Variants in TENM4 observed in about 807,000 individuals in gnomAD.
TENM4 encodes teneurin transmembrane protein 4.
In TENM4, 82 loss-of-function variants were observed where a neutral mutation model predicts 243.3. The ratio of observed to expected loss-of-function variants is 0.34; its 90% CI spans 0.28 to 0.40. The LOEUF is 0.40. TENM4 is among the 10% of genes least tolerant of loss of function. The pLI is 1.00. For missense variants in TENM4, 3,138 were observed against 3,673.3 expected (o/e 0.85, Z 3.77); for synonymous variants, 1,412 against 1,456.3 (o/e 0.97, Z 0.69).
At chr11:79,339,378 CT>C (rs776976281) in intron 1 of TENM4, among the ~76,000 whole-genome samples, 3 of 152,190 alleles carry the variant, frequency 2.0e-5, no homozygotes, top group Non-Finnish European at 2.9e-5. Flanking sequence ...TCCTGGTAAA[CT>C]GAAAAGTGCT....
At chr11:78,966,167 G>A (rs1429769542) in intron 6 of TENM4, among the ~76,000 whole-genome samples, 4 of 139,488 alleles carry the variant, frequency 2.9e-5, no homozygotes, top group Non-Finnish European at 6.1e-5. Context: ...TTGCACCTCC[G>A]TTTCTACACC....
chr11:79,080,917 A>G (rs1860652729), intron 4 of TENM4, among the ~76,000 whole-genome samples: 1 of 152,168 alleles, frequency 6.6e-6, no homozygotes, highest in African/African-American at 2.4e-5. Flanking sequence ...CACACTAGGA[A>G]GCAGAGGGAA....
rs547935999 is a variant in TENM4, at chr11:79,026,690, T to C, written c.493+38048A>G. 4.5e-4 allele frequency among the ~76,000 whole-genome samples: 69 copies of C among 152,316 alleles called. 2 individuals carry two copies. In the South Asian group the frequency reaches 0.014, roughly 30 times the overall value. ...AGCAACCAAGAAAGGGTATTATTAG[T>C]CCAGCTTCGCAGAGAAGGGATTCAA... On this transcript the variant is annotated intron_variant, in intron 6 of 33. Coordinates refer to ENST00000278550, the MANE Select transcript of TENM4 (RefSeq NM_001098816.3).
At chr11:78,694,531 T>C (rs1858907771) in intron 28 of TENM4, among the ~76,000 whole-genome samples, 1 of 152,230 alleles carries the variant, frequency 6.6e-6, no homozygotes, top group South Asian at 2.1e-4. Flanking sequence ...TCTGCCATAC[T>C]GTATTTGAGG....
At chr11:78,749,607 A>T (rs1418016594) in intron 19 of TENM4, among the ~76,000 whole-genome samples, 1 of 152,200 alleles carries the variant, frequency 6.6e-6, no homozygotes, top group Non-Finnish European at 1.5e-5. Flanking sequence ...TGACGCTTGC[A>T]TATGGCTTTA....
At chr11:79,126,036 T>C (rs1861869493) in intron 4 of TENM4, among the ~76,000 whole-genome samples, 1 of 152,210 alleles carries the variant, frequency 6.6e-6, no homozygotes, top group Non-Finnish European at 1.5e-5. Flanking sequence ...ATTTATTGAT[T>C]TGGGCCCACT....
chr11:79,147,132 T>A lies in TENM4; in HGVS notation c.-66+1578A>T, dbSNP rs1234286552. Among the ~76,000 whole-genome samples, 4 of 152,256 alleles carry A rather than the reference T, an allele frequency of 2.6e-5. No individual in the cohort carries two copies. The East Asian group carries it at 7.7e-4, about 29-fold the overall frequency. On this transcript the variant is annotated intron_variant, in intron 4 of 33. Coordinates refer to ENST00000278550, the MANE Select transcript of TENM4 (RefSeq NM_001098816.3). Reference sequence around the variant, plus strand: ...CTCATCTGAGTTCCCCCCTTTCTTCTGATTTGCAAAGTATTGATACAGTCC... The same window carrying A: ...CTCATCTGAGTTCCCCCCTTTCTTCAGATTTGCAAAGTATTGATACAGTCC...
At chr11:78,827,064 T>A (rs1857869783) in intron 12 of TENM4, among the ~76,000 whole-genome samples, 1 of 152,220 alleles carries the variant, frequency 6.6e-6, no homozygotes, top group South Asian at 2.1e-4. Context: ...CACTTAGCAT[T>A]TTTCAATTCA....
chr11:78,700,741 G>T (rs1484528784), intron 28 of TENM4, among the ~76,000 whole-genome samples: 1 of 152,150 alleles, frequency 6.6e-6, no homozygotes, highest in Non-Finnish European at 1.5e-5. Flanking sequence ...ACTTGAGGTG[G>T]GCACTAGGAC....
At chr11:79,436,164 T>C (rs530767818) in intron 1 of TENM4, among the ~76,000 whole-genome samples, 2 of 152,244 alleles carry the variant, frequency 1.3e-5, no homozygotes, top group East Asian at 1.9e-4. Flanking sequence ...AGAGGCCTTA[T>C]CGATGTTAAA....
At chr11:79,335,244 C>T (rs546381312) in intron 1 of TENM4, among the ~76,000 whole-genome samples, 211 of 152,326 alleles carry the variant, frequency 1.4e-3, no homozygotes, top group African/African-American at 4.7e-3. Context: ...ACAGGTCTCC[C>T]GCCACCATGA....
At chr11:79,090,986 G>A (rs752547501) in intron 4 of TENM4, among the ~76,000 whole-genome samples, 2 of 152,172 alleles carry the variant, frequency 1.3e-5, no homozygotes, top group Non-Finnish European at 1.5e-5. Context: ...CTGGCTTTTT[G>A]GGGTGGCTGA....
rs753050946 is a variant in TENM4, at chr11:78,756,877, T to C, written c.2684A>G (p.Tyr895Cys). The C allele has an allele frequency of 2.7e-5, 44 of 1,613,806 alleles. No homozygotes were observed. The highest frequency in any genetic ancestry group is 1.6e-4 in the Middle Eastern group (1 of 6,084). The stretch of plus-strand genomic sequence containing the variant: ...GCCCACGAGGAACTTGATGCGGTCA[T>C]AGAAGGAGTGTAGGTTCTGCTGTGA... The part of the protein sequence containing the change: ...PVSQQNLHSF[Y>C]DRIKFLVGRD... Residue 895 changes from tyrosine (Y) to cysteine (C), a missense_variant, in exon 19 of 34, where the codon TAT (tyrosine) becomes TGT (cysteine). Tyr to Cys is a radical substitution (Grantham distance 194, BLOSUM62 -2). Coordinates refer to ENST00000278550, the MANE Select transcript of TENM4 (RefSeq NM_001098816.3).
rs1423503973 is a variant in TENM4, at chr11:79,186,084, C to CTT, written c.-163+29723_-163+29724insAA. On this transcript the variant is annotated intron_variant, in intron 3 of 33. Coordinates refer to ENST00000278550, the MANE Select transcript of TENM4 (RefSeq NM_001098816.3). ...AAGTAATGTGTCCAAGGTAAGGTGG[C>CTT]AAAGCTAGGATTTAAATCCAGATCT... 2.0e-5 allele frequency among the ~76,000 whole-genome samples: 3 copies of CTT among 152,272 alleles called. No homozygotes were observed. The East Asian group carries it at 5.8e-4, about 29-fold the overall frequency.
chr11:79,405,221 C>T (rs547829078), intron 1 of TENM4, among the ~76,000 whole-genome samples: 2 of 152,012 alleles, frequency 1.3e-5, no homozygotes, highest in South Asian at 2.1e-4. Context: ...CTATTTCTTC[C>T]GAGGCTTATG....
chr11:79,178,984 G>A (rs934537303), intron 3 of TENM4, among the ~76,000 whole-genome samples: 6 of 152,234 alleles, frequency 3.9e-5, no homozygotes, highest in African/African-American at 1.4e-4. Flanking sequence ...CAGAAAGTCA[G>A]TGAGGGCTGC....
intron 2 of TENM4, among the ~76,000 whole-genome samples, chr11:79,280,435 C>T (rs1856136216): frequency 6.6e-6 from 1 of 152,212 alleles, no homozygotes; most frequent in African/African-American, 2.4e-5. Context: ...CAGGGCCTGG[C>T]TCTGGGCTTT....
At chr11:79,252,616 T>C (rs999612184) in intron 2 of TENM4, among the ~76,000 whole-genome samples, 2 of 152,210 alleles carry the variant, frequency 1.3e-5, no homozygotes, top group Admixed American at 6.5e-5. Flanking sequence ...TAGTGGAAGA[T>C]TGAATCATTG....
rs192736758 is a variant in TENM4 at position 78,941,033 on chromosome 11, T to C, written c.494-37510A>G. On this transcript the variant is annotated intron_variant, in intron 6 of 33. Coordinates refer to ENST00000278550, the MANE Select transcript of TENM4 (RefSeq NM_001098816.3). ...CAAGTGAAAGAGTGAACAAACATCC[T>C]GCATTTTGAATGCCCAGGCAGGCAT... 4.5e-3 allele frequency among the ~76,000 whole-genome samples: 692 copies of C among 152,294 alleles called. 3 individuals are homozygous for C. Among genetic ancestry groups the C allele is most frequent in the African/African-American group, 0.016 (661 of 41,558 alleles).
Sources: gnomAD v4.1 joint callset for allele counts (sites outside exome capture counted in the v4.1 genomes callset) on GRCh38, gnomAD v4.1.1 for gene constraint, MANE v1.5 for transcripts, NCBI Gene and HGNC (gene_info 2026-07-23, HGNC 2026-07-21) for gene names.